BNIP2: variants seen among roughly 807,000 people sequenced by gnomAD.
The protein encoded by BNIP2 is BCL2/adenovirus E1B 19 kDa protein-interacting protein 2.
BNIP2 carries 36 observed loss-of-function variants against 43.4 expected under a neutral mutation model. That is an observed-to-expected ratio of 0.83 (90% CI 0.64 to 1.10). The LOEUF (loss-of-function observed/expected upper bound fraction) is 1.10. BNIP2 is among the 50% of genes least tolerant of loss of function. The probability of loss-of-function intolerance (pLI) is 0.00; values close to 1 mark genes in which losing one functional copy is unlikely to be tolerated. For synonymous variants in BNIP2, 146 were observed against 121.0 expected, an observed-to-expected ratio of 1.21 and a Z score of -1.35; for missense variants, 417 against 374.1, an observed-to-expected ratio of 1.11 and a Z score of -0.95.
In BNIP2 at chr15:59,676,771, G is replaced by A. The variant is rs1308982982; in HGVS notation, c.472+1140C>T. 3 of 1,486,578 alleles carry A rather than the reference G, an allele frequency of 2.0e-6. No homozygotes were observed. The Admixed American group carries it at 5.9e-5, about 29-fold the overall frequency. 92.1% of individuals were successfully genotyped at this position (1,486,578 alleles called of 1,614,324 possible). A position where few individuals can be genotyped will look rare whatever the true frequency, so the allele number is the denominator to read the frequency against. On this transcript the variant is annotated intron_variant, in intron 5 of 9. Transcript: ENST00000607373. ...GTTGGGGTGTCATGGAGGATGAGCG[G>A]AGCTTTTCGGATATCTGCGGTGGCC... is the stretch of plus-strand genomic sequence containing the variant.
chr15:59,677,108 G>A lies in BNIP2; in HGVS notation c.472+803C>T, dbSNP rs1893352036. ...GCACTACCTTCATAGAAATGGGCAA[G>A]GTCAAGGATATTGTCATCAATGAGG... On this transcript the variant is annotated intron_variant, in intron 5 of 9. Transcript: ENST00000607373. 1.1e-5 allele frequency: 17 copies of A among 1,607,370 alleles called. 1 individual carries two copies. The South Asian group carries it at 1.9e-4, about 18-fold the overall frequency.
rs1222159573 is a variant in BNIP2 at position 59,682,529 on chromosome 15, A to G, written c.-57-15T>C. ...GAGCCAATGTCCTATGAAGAGAGAA[A>G]AATGTATAACTTAATTTCCACTTTA... On this transcript the variant is annotated splice_polypyrimidine_tract_variant and intron_variant, in intron 1 of 9. Transcript: ENST00000607373. 2 of 1,580,750 alleles carry G rather than the reference A, an allele frequency of 1.3e-6. No individual in the cohort carries two copies. The highest frequency in any genetic ancestry group is 8.6e-7 in the Non-Finnish European group (1 of 1,162,888).
Position 59,689,270 on chromosome 15 carries a change from C to T in BNIP2, c.-193G>A. ...CGGCGGTGGAGACCCCGGCCCAATC[C>T]CCCGGCCGCAGCGGTACGGCGTCGG... is the stretch of plus-strand genomic sequence containing the variant. On this transcript the variant is annotated 5_prime_UTR_variant, in exon 1 of 10. Transcript: ENST00000607373. 2 of 1,545,418 alleles carry T rather than the reference C, an allele frequency of 1.3e-6. No homozygotes were observed. Among genetic ancestry groups the T allele is most frequent in the South Asian group, 1.2e-5 (1 of 83,982 alleles).
At chr15:59,670,853 C>G (rs1269068231) in intron 7 of BNIP2, among the ~76,000 whole-genome samples, 1 of 152,180 alleles carries the variant, frequency 6.6e-6, no homozygotes, top group East Asian at 1.9e-4. Context: ...GCGGGTGGAT[C>G]ACCTAAGGTC....
At chr15:59,676,780 G>A (rs1039014579) in intron 5 of BNIP2, 4 of 1,501,102 alleles carry the variant, frequency 2.7e-6, no homozygotes, top group Admixed American at 2.0e-5. Context: ...GGAGCTTTTC[G>A]GATATCTGCG....
At chr15:59,676,307 G>A (rs1893286745) in intron 5 of BNIP2, among the ~76,000 whole-genome samples, 1 of 152,040 alleles carries the variant, frequency 6.6e-6, no homozygotes, top group African/African-American at 2.4e-5. Context: ...CTAAGTAGCT[G>A]GGACTACAGG....
chr15:59,672,025 G>T (rs6151539), intron 6 of BNIP2, among the ~76,000 whole-genome samples: 2 of 152,132 alleles, frequency 1.3e-5, no homozygotes, highest in Admixed American at 1.3e-4. Flanking sequence ...GCAGGGAGCC[G>T]TAGTTGTACC....
intron 1 of BNIP2, among the ~76,000 whole-genome samples, chr15:59,683,981 A>C (rs1277089673): frequency 6.6e-6 from 1 of 152,236 alleles, no homozygotes; most frequent in East Asian, 1.9e-4. Flanking sequence ...TAAAAGAAAA[A>C]TGTGGTCATG....
At position 59,659,956 on chromosome 15, in the gene BNIP2, T is replaced by G. The variant is rs536530973; in HGVS notation, c.*4113A>C. ...TTTATTTTCAATTATCCTTTAGAACTTCAAAGGAAAGTTACATAACTGGGT... is the reference window on the plus strand; with the variant it reads ...TTTATTTTCAATTATCCTTTAGAACGTCAAAGGAAAGTTACATAACTGGGT... On this transcript the variant is annotated 3_prime_UTR_variant, in exon 10 of 10. Transcript: ENST00000607373. The G allele has an allele frequency of 3.4e-4, 52 of 152,342 alleles. No individual in the cohort carries two copies. The highest frequency in any genetic ancestry group is 1.2e-3 in the African/African-American group (50 of 41,582). The allele number at this position is 152,342 out of a possible 1,614,324, so 9.4% of individuals were successfully genotyped here.
intron 1 of BNIP2, chr15:59,688,774 G>A: frequency 6.5e-7 from 1 of 1,535,150 alleles, no homozygotes; most frequent in African/African-American, 1.4e-5. Context: ...ACGGACGCTG[G>A]TCATAAATAC....
intron 3 of BNIP2, 150 bp from the exon 4 acceptor site, chr15:59,679,918 T>C: frequency 1.4e-6 from 1 of 711,236 alleles, no homozygotes; most frequent in Non-Finnish European, 2.2e-6. Flanking sequence ...ATTTTTATTC[T>C]GATCATTATT....
rs1305886997 is a variant in BNIP2 at position 59,685,970 on chromosome 15, G to A, written c.-58+3165C>T. ...TGTATTTTTTTTTGGAAATTAGAAT[G>A]GGAAATAACACTTTAAGATGATATT... is the stretch of plus-strand genomic sequence containing the variant. On this transcript the variant is annotated intron_variant, in intron 1 of 9. Transcript: ENST00000607373. Among the ~76,000 whole-genome samples the A allele has an allele frequency of 2.0e-5, 3 of 152,106 alleles. No individual in the cohort carries two copies. The East Asian group carries it at 5.8e-4, about 29-fold the overall frequency.
chr15:59,679,287 A>G (rs1353471573), intron 4 of BNIP2: 4 of 213,004 alleles, frequency 1.9e-5, no homozygotes, highest in African/African-American at 9.4e-5. Flanking sequence ...CCTTCCCACA[A>G]ACTGTTAACT....
chr15:59,669,287 T>C lies in BNIP2; in HGVS notation c.783A>G (p.Arg261=), dbSNP rs1366136557. ...CTCTCAAAAATTACCTAATAAATGGTCTTGTAACAGCCAGAAGTGTTCTGA... is the reference window on the plus strand; with the variant it reads ...CTCTCAAAAATTACCTAATAAATGGCCTTGTAACAGCCAGAAGTGTTCTGA... ...WFIRTLLAVT[R]PFISSKFSQK... Residue 261 remains arginine (R), a synonymous_variant, in exon 8 of 10, where the codon AGA becomes AGG. Coordinates refer to ENST00000607373, the MANE Select transcript of BNIP2 (RefSeq NM_004330.4). 8 of 1,549,816 alleles carry C rather than the reference T, an allele frequency of 5.2e-6. No homozygotes were observed. The highest frequency in any genetic ancestry group is 6.9e-6 in the Non-Finnish European group (8 of 1,156,098).
intron 1 of BNIP2, among the ~76,000 whole-genome samples, chr15:59,687,801 T>A (rs535631803): frequency 6.6e-6 from 1 of 152,318 alleles, no homozygotes; most frequent in South Asian, 2.1e-4. Context: ...CACTTTTACA[T>A]CCATCATCTC....
intron 5 of BNIP2, among the ~76,000 whole-genome samples, chr15:59,675,020 G>A (rs1893180042): frequency 6.6e-6 from 1 of 152,044 alleles, no homozygotes; most frequent in Non-Finnish European, 1.5e-5. Context: ...GGAGGCTGAG[G>A]CGGGCAGATC....
At position 59,678,100 on chromosome 15, in the gene BNIP2, A is replaced by C; in HGVS notation, c.296-13T>G. ...TTTGGAAGATCATCTGTCAAAATACAAAGTTTTTGAATCACAAATTGTTAC... is the reference window on the plus strand; with the variant it reads ...TTTGGAAGATCATCTGTCAAAATACCAAGTTTTTGAATCACAAATTGTTAC... On this transcript the variant is annotated splice_polypyrimidine_tract_variant and intron_variant, in intron 4 of 9. Coordinates refer to ENST00000607373, the MANE Select transcript of BNIP2 (RefSeq NM_004330.4). 14 of 1,592,762 alleles carry C rather than the reference A, an allele frequency of 8.8e-6. No homozygotes were observed. Among genetic ancestry groups the C allele is most frequent in the Non-Finnish European group, 1.2e-5 (14 of 1,171,522 alleles).
At chr15:59,678,845 A>G in intron 4 of BNIP2, 1 of 1,303,102 alleles carries the variant, frequency 7.7e-7, no homozygotes, top group Non-Finnish European at 1.0e-6. Context: ...CTACAGCAGC[A>G]TTAAAGAAAG....
intron 5 of BNIP2, among the ~76,000 whole-genome samples, chr15:59,673,429 T>A (rs574968812): frequency 6.6e-5 from 10 of 152,176 alleles, no homozygotes; most frequent in South Asian, 4.2e-4. Flanking sequence ...GGTGCTTTTT[T>A]AAATTTTTTT....
Sources: gnomAD v4.1 joint callset for allele counts (sites outside exome capture counted in the v4.1 genomes callset) on GRCh38, gnomAD v4.1.1 for gene constraint, MANE v1.5 for transcripts, NCBI Gene and HGNC (gene_info 2026-07-23, HGNC 2026-07-21) for gene names.